MAP2K3: variants seen among roughly 807,000 people sequenced by gnomAD.
The protein encoded by MAP2K3 is dual specificity mitogen-activated protein kinase kinase 3.
A neutral mutation model predicts 46.4 loss-of-function variants in MAP2K3; 30 were observed. The observed-to-expected ratio is 0.65, with a 90% CI of 0.48 to 0.88. MAP2K3 has a LOEUF of 0.88. Among genes scored for constraint, MAP2K3 ranks in the 40% least tolerant of loss-of-function variants. The pLI, the probability that MAP2K3 is intolerant of heterozygous loss-of-function variation, is 0.00. For missense variants in MAP2K3, 380 were observed against 464.5 expected (o/e 0.82, Z 1.67); for synonymous variants, 189 against 176.3 (o/e 1.07, Z -0.57).
At chr17:21,299,789 C>T (rs1324249763) in intron 3 of MAP2K3, among the ~76,000 whole-genome samples, 2 of 152,292 alleles carry the variant, frequency 1.3e-5, no homozygotes, top group African/African-American at 4.8e-5. Context: ...TCAAGACCAG[C>T]CTAGCTAACG....
At chr17:21,285,091 C>T (rs1975688559) in intron 1 of MAP2K3, 122 bp downstream of exon 1, 6 of 1,389,314 alleles carry the variant, frequency 4.3e-6, no homozygotes, top group Non-Finnish European at 5.8e-6. Context: ...GCGTCCGGTC[C>T]CGGAACCCCT....
chr17:21,295,092 G>A (rs1294587152), intron 1 of MAP2K3, among the ~76,000 whole-genome samples: 1 of 152,310 alleles, frequency 6.6e-6, no homozygotes, highest in Non-Finnish European at 1.5e-5. Flanking sequence ...AGACGACGTA[G>A]TAGCTAGGAC....
chr17:21,298,858 G>C lies in MAP2K3; in HGVS notation c.117-20G>C. ...GGGTGTGGTTCTCTCTGAAGCTCAC[G>C]GAGTCTTCTTTCTCCACAGACCCCC... On this transcript the variant is annotated intron_variant, in intron 2 of 11. Coordinates refer to ENST00000342679, the MANE Select transcript of MAP2K3 (RefSeq NM_145109.3). The C allele has an allele frequency of 5.0e-6, 8 of 1,613,872 alleles. No homozygotes were observed. The highest frequency in any genetic ancestry group is 6.8e-6 in the Non-Finnish European group (8 of 1,179,686).
chr17:21,295,607 T>C, intron 1 of MAP2K3: 1 of 1,285,714 alleles, frequency 7.8e-7, no homozygotes, highest in Non-Finnish European at 1.0e-6. Flanking sequence ...ACCCACTCCC[T>C]CTGACAGCTG....
chr17:21,313,606 G>A, intron 11 of MAP2K3, 69 bp downstream of exon 11: 1 of 1,216,494 alleles, frequency 8.2e-7, no homozygotes, highest in Non-Finnish European at 1.2e-6. Context: ...GCTCTGGGGA[G>A]AGGGCTGCAT....
chr17:21,295,683 A>T (rs967813682), intron 1 of MAP2K3: 1 of 1,289,510 alleles, frequency 7.8e-7, no homozygotes, highest in Non-Finnish European at 1.0e-6. Context: ...AGGCCGGTGG[A>T]TGCAGAGGCC....
intron 7 of MAP2K3, 39 bp from the exon 8 acceptor site, chr17:21,304,376 CCTCCAGTCGTG>C: frequency 6.2e-7 from 1 of 1,613,992 alleles, no homozygotes. Flanking sequence ...ATGGCACCTG[CCTCCAGTCGTG>C]CTCCACAGAC....
intron 3 of MAP2K3, among the ~76,000 whole-genome samples, chr17:21,299,394 C>T (rs1232987796): frequency 6.6e-6 from 1 of 152,310 alleles, no homozygotes; most frequent in Non-Finnish European, 1.5e-5. Context: ...AGAAACCCTA[C>T]TCCCAGGCCA....
intron 1 of MAP2K3, chr17:21,288,022 C>G: frequency 7.8e-7 from 1 of 1,289,254 alleles, no homozygotes; most frequent in Middle Eastern, 2.1e-4. Flanking sequence ...CATGGCCCAG[C>G]GCCCAAAGGG....
At chr17:21,292,091 T>G (rs1253865651) in intron 1 of MAP2K3, among the ~76,000 whole-genome samples, 3 of 152,310 alleles carry the variant, frequency 2.0e-5, no homozygotes, top group Non-Finnish European at 4.4e-5. Flanking sequence ...ACCTCAGGCG[T>G]GTCCTGGGGC....
chr17:21,299,990 T>G (rs1366817263), intron 3 of MAP2K3, among the ~76,000 whole-genome samples: 1 of 152,262 alleles, frequency 6.6e-6, no homozygotes, highest in East Asian at 1.9e-4. Context: ...CTAAAAAAAA[T>G]AAACCCCATT....
intron 9 of MAP2K3, among the ~76,000 whole-genome samples, chr17:21,307,549 G>T (rs1317774173): frequency 6.6e-6 from 1 of 151,966 alleles, no homozygotes; most frequent in African/African-American, 2.4e-5. Flanking sequence ...TCAGAGGAGA[G>T]GGAGGGAGGG....
At chr17:21,302,103 C>A in intron 5 of MAP2K3, 40 bp from the exon 6 acceptor site, 1 of 1,605,970 alleles carries the variant, frequency 6.2e-7, no homozygotes. Flanking sequence ...CAGACACGGG[C>A]AGCCCGGCAG....
In MAP2K3 at chr17:21,284,793, CGCCGCCGCCGCCGCTGCT is replaced by C; in HGVS notation, c.-127_-110del. On this transcript the variant is annotated 5_prime_UTR_variant, in exon 1 of 12. Coordinates refer to ENST00000342679, the MANE Select transcript of MAP2K3 (RefSeq NM_145109.3). ...TCCTCGCCGCAGTCGCCGCCGCCGCCGCCGCCGCCGCCGCTGCTCCTCCGCCTGGCCTGGGCCGTCTGC... is the reference window on the plus strand; with the variant it reads ...TCCTCGCCGCAGTCGCCGCCGCCGCCCCTCCGCCTGGCCTGGGCCGTCTGC... 2 of 1,114,984 alleles carry C rather than the reference CGCCGCCGCCGCCGCTGCT, an allele frequency of 1.8e-6. No individual in the cohort carries two copies. Among genetic ancestry groups the C allele is most frequent in the Non-Finnish European group, 2.4e-6 (2 of 819,092 alleles). The allele number at this position is 1,114,984 out of a possible 1,614,324, so 69.1% of individuals were successfully genotyped here.
chr17:21,312,984 T>A (rs62055366), intron 10 of MAP2K3, among the ~76,000 whole-genome samples: 5 of 151,694 alleles, frequency 3.3e-5, no homozygotes, highest in African/African-American at 9.7e-5. Context: ...TTCTCTGAAC[T>A]TAATTAAATA....
At chr17:21,288,787 C>A (rs1975796320) in intron 1 of MAP2K3, among the ~76,000 whole-genome samples, 1 of 152,210 alleles carries the variant, frequency 6.6e-6, no homozygotes, top group African/African-American at 2.4e-5. Flanking sequence ...TGCCCTCTGC[C>A]TGCAGAGAAC....
intron 3 of MAP2K3, 59 bp downstream of exon 3, chr17:21,298,985 C>A: frequency 1.2e-6 from 2 of 1,612,044 alleles, no homozygotes; most frequent in Non-Finnish European, 1.7e-6. Flanking sequence ...GCGGGTAGAG[C>A]TGACCCTGCA....
At chr17:21,308,037 A>C (rs9325904) in intron 9 of MAP2K3, among the ~76,000 whole-genome samples, 1 of 149,924 alleles carries the variant, frequency 6.7e-6, no homozygotes, top group Non-Finnish European at 1.5e-5. Context: ...TGTATTTTTA[A>C]AAAAGACGGG....
chr17:21,295,557 A>C, intron 1 of MAP2K3: 1 of 1,242,752 alleles, frequency 8.0e-7, no homozygotes, highest in Non-Finnish European at 1.0e-6. Flanking sequence ...CGTCTGCAGC[A>C]GCCTGAGGCC....
Sources: allele counts gnomAD v4.1 joint callset (sites outside exome capture counted in the v4.1 genomes callset), GRCh38; gene constraint gnomAD v4.1.1; transcripts MANE v1.5; gene names NCBI Gene and HGNC (gene_info 2026-07-23, HGNC 2026-07-21).